The following GRID2 variants were observed in gnomAD, a reference collection of about 807,000 sequenced individuals.
GRID2 encodes the protein glutamate receptor ionotropic, delta-2.
In GRID2, 33 loss-of-function variants were observed where a neutral mutation model predicts 114.8. That is an observed-to-expected ratio of 0.29 (90% CI 0.22 to 0.38). The LOEUF (loss-of-function observed/expected upper bound fraction) is 0.38. Among genes scored for constraint, GRID2 ranks in the 10% least tolerant of loss-of-function variants. The probability of loss-of-function intolerance (pLI) is 1.00; values close to 1 mark genes in which losing one functional copy is unlikely to be tolerated. For missense variants in GRID2, 1,184 were observed against 1,257.7 expected, an observed-to-expected ratio of 0.94 and a Z score of 0.89; for synonymous variants, 505 against 449.9, an observed-to-expected ratio of 1.12 and a Z score of -1.55.
At chr4:93,698,964 A>G (rs576528015) in intron 14 of GRID2, among the ~76,000 whole-genome samples, 18 of 152,184 alleles carry the variant, frequency 1.2e-4, no homozygotes, top group Non-Finnish European at 2.2e-4. Flanking sequence ...ATTGGTGACC[A>G]TGACAGTTTC....
intron 2 of GRID2, among the ~76,000 whole-genome samples, chr4:92,610,725 T>C (rs1729677934): frequency 6.6e-6 from 1 of 151,664 alleles, no homozygotes; most frequent in Non-Finnish European, 1.5e-5. Context: ...GTCCAATCAA[T>C]TGACAGTTCC....
chr4:92,862,237 T>C (rs1442581001), intron 2 of GRID2, among the ~76,000 whole-genome samples: 1 of 152,036 alleles, frequency 6.6e-6, no homozygotes, highest in East Asian at 1.9e-4. Flanking sequence ...AATTTCATAG[T>C]ACATTTACCT....
chr4:93,398,133 G>GTGTGTGTGTATGTATATATA, intron 9 of GRID2, among the ~76,000 whole-genome samples: 17 of 122,340 alleles, frequency 1.4e-4, no homozygotes, highest in African/African-American at 6.6e-4. Context: ...ATGTGTGTGT[G>GTGTGTGTGTATGTATATATA]TATATATATA....
intron 4 of GRID2, among the ~76,000 whole-genome samples, chr4:93,171,260 G>A (rs538807027): frequency 6.0e-4 from 92 of 152,176 alleles, no homozygotes; most frequent in Non-Finnish European, 1.1e-3. Flanking sequence ...ACATGTGCCA[G>A]GTACATTCTC....
chr4:92,845,771 C>G (rs1482740974), intron 2 of GRID2, among the ~76,000 whole-genome samples: 1 of 152,030 alleles, frequency 6.6e-6, no homozygotes, highest in Non-Finnish European at 1.5e-5. Context: ...AAGAAACTCG[C>G]TTCATCATTT....
intron 8 of GRID2, among the ~76,000 whole-genome samples, chr4:93,266,308 C>T (rs894601927): frequency 1.3e-5 from 2 of 152,056 alleles, no homozygotes; most frequent in South Asian, 2.1e-4. Flanking sequence ...TCATAGAAGG[C>T]TAATTAAAAT....
chr4:93,554,899 T>A, intron 13 of GRID2, among the ~76,000 whole-genome samples: 1 of 152,082 alleles, frequency 6.6e-6, no homozygotes, highest in East Asian at 1.9e-4. Context: ...CATTTCCAAC[T>A]GAGGTACTCG....
At chr4:93,742,484 C>T (rs1332997316) in intron 14 of GRID2, among the ~76,000 whole-genome samples, 2 of 152,128 alleles carry the variant, frequency 1.3e-5, no homozygotes, top group Non-Finnish European at 2.9e-5. Flanking sequence ...CTGCACTTTG[C>T]TTTATTGTGT....
chr4:93,721,370 T>C (rs1359150172), intron 14 of GRID2, among the ~76,000 whole-genome samples: 1 of 152,202 alleles, frequency 6.6e-6, no homozygotes, highest in Admixed American at 6.5e-5. Flanking sequence ...ATTGGGTGGT[T>C]AGAATTTGTT....
intron 2 of GRID2, among the ~76,000 whole-genome samples, chr4:92,907,905 C>T (rs1001552718): frequency 7.9e-5 from 12 of 152,160 alleles, no homozygotes; most frequent in Admixed American, 7.9e-4. Context: ...CGCTTACAAT[C>T]CCAGCTACTC....
intron 2 of GRID2, among the ~76,000 whole-genome samples, chr4:92,902,707 A>C (rs1023366391): frequency 6.6e-5 from 10 of 152,016 alleles, no homozygotes; most frequent in African/African-American, 2.2e-4. Flanking sequence ...CCTTCTAGAC[A>C]TGGCAGTCCA....
At chr4:93,082,162 T>A (rs1405593965) in intron 2 of GRID2, among the ~76,000 whole-genome samples, 1 of 152,208 alleles carries the variant, frequency 6.6e-6, no homozygotes. Flanking sequence ...TTGTTTTGAG[T>A]CATCCAGTCC....
intron 1 of GRID2, among the ~76,000 whole-genome samples, chr4:93,799,545 C>T (rs1235485473): frequency 3.3e-5 from 5 of 151,776 alleles, no homozygotes; most frequent in African/African-American, 4.8e-5. Context: ...CAAGTGACTA[C>T]TGATTTTTAA....
chr4:92,698,724 C>T (rs1013424240), intron 2 of GRID2, among the ~76,000 whole-genome samples: 1 of 151,504 alleles, frequency 6.6e-6, no homozygotes, highest in Admixed American at 6.6e-5. Flanking sequence ...AAGACAATTG[C>T]CTATTTTAAA....
intron 10 of GRID2, among the ~76,000 whole-genome samples, chr4:93,448,354 A>G (rs908857762): frequency 6.6e-6 from 1 of 151,944 alleles, no homozygotes; most frequent in African/African-American, 2.4e-5. Flanking sequence ...CAAAGAAAAC[A>G]TGCTACATAG....
At chr4:93,022,099 T>C (rs1009745178) in intron 2 of GRID2, among the ~76,000 whole-genome samples, 10 of 151,716 alleles carry the variant, frequency 6.6e-5, no homozygotes, top group African/African-American at 2.4e-4. Context: ...ATCTAAGATA[T>C]TTACAAAAAT....
At chr4:92,966,959 T>A (rs1337570544) in intron 2 of GRID2, among the ~76,000 whole-genome samples, 3 of 151,970 alleles carry the variant, frequency 2.0e-5, no homozygotes, top group African/African-American at 7.2e-5. Context: ...GTTGTCATGA[T>A]CATTTTCGGA....
chr4:92,832,603 A>G (rs1742193111), intron 2 of GRID2, among the ~76,000 whole-genome samples: 2 of 152,120 alleles, frequency 1.3e-5, no homozygotes, highest in South Asian at 4.1e-4. Flanking sequence ...CATGTTGGCC[A>G]GGCTGGTCTC....
chr4:93,113,281 C>G (rs62308213), intron 4 of GRID2, among the ~76,000 whole-genome samples: 12,576 of 152,140 alleles, frequency 0.083, 824 homozygotes, highest in African/African-American at 0.18. Flanking sequence ...TGAGTTGGTA[C>G]TAACATCATC....
Sources: gnomAD v4.1 joint callset for allele counts (sites outside exome capture counted in the v4.1 genomes callset) on GRCh38, gnomAD v4.1.1 for gene constraint, MANE v1.5 for transcripts, NCBI Gene and HGNC (gene_info 2026-07-23, HGNC 2026-07-21) for gene names.